ATP10B: variants seen among roughly 807,000 people sequenced by gnomAD.
The protein encoded by ATP10B is phospholipid-transporting ATPase VB.
A neutral mutation model predicts 141.2 loss-of-function variants in ATP10B; 122 were observed. That is an observed-to-expected ratio of 0.86 (90% CI 0.75 to 1.00). The LOEUF is 1.00. Among genes scored for constraint, ATP10B ranks in the 50% least tolerant of loss-of-function variants. ATP10B has a pLI of 0.00. For synonymous variants in ATP10B, 685 were observed against 692.0 expected (o/e 0.99, Z 0.16); for missense variants, 1,876 against 1,825.3 (o/e 1.03, Z -0.51).
intron 7 of ATP10B, among the ~76,000 whole-genome samples, chr5:160,668,135 G>A (rs149888982): frequency 2.7e-5 from 4 of 150,836 alleles, no homozygotes; most frequent in Admixed American, 6.6e-5. Context: ...GGGAGGCTGA[G>A]GTAGGAGAAA....
intron 22 of ATP10B, among the ~76,000 whole-genome samples, chr5:160,594,057 G>C (rs187999341): frequency 0.025 from 3,846 of 152,156 alleles, 64 homozygotes; most frequent in Non-Finnish European, 0.038. Flanking sequence ...GATAGTCCTC[G>C]AGAAGAGCAA....
chr5:160,682,921 C>T (rs1386479162), intron 6 of ATP10B, among the ~76,000 whole-genome samples: 4 of 151,374 alleles, frequency 2.6e-5, no homozygotes, highest in Non-Finnish European at 4.4e-5. Flanking sequence ...CACCTGTAGT[C>T]CCAGCTACTC....
the ATP10B span, among the ~76,000 whole-genome samples, chr5:160,913,037 G>C: frequency 6.6e-6 from 1 of 152,224 alleles, no homozygotes; most frequent in Non-Finnish European, 1.5e-5. Context: ...CAGTCATTCT[G>C]AAGATTGTTG....
At chr5:160,880,463 A>T in the ATP10B span, among the ~76,000 whole-genome samples, 1 of 152,116 alleles carries the variant, frequency 6.6e-6, no homozygotes, top group Non-Finnish European at 1.5e-5. Context: ...TGGAGAGGAA[A>T]CAGATGCAGA....
chr5:160,666,686 T>C (rs1762338213), intron 7 of ATP10B, among the ~76,000 whole-genome samples: 1 of 152,178 alleles, frequency 6.6e-6, no homozygotes, highest in African/African-American at 2.4e-5. Context: ...GCGAGTTCTA[T>C]CCATACTCAG....
intron 1 of ATP10B, among the ~76,000 whole-genome samples, chr5:160,825,686 T>C (rs939025379): frequency 1.3e-5 from 2 of 152,160 alleles, no homozygotes; most frequent in African/African-American, 4.8e-5. Context: ...TTTAAAAAAA[T>C]TTGACTTTCA....
rs1770748355 is a variant in ATP10B at position 160,781,974 on chromosome 5, G to A, written c.-331+3585C>T. On this transcript the variant is annotated intron_variant, in intron 2 of 25. Coordinates refer to ENST00000327245, the MANE Select transcript of ATP10B (RefSeq NM_025153.3). ...TTTTGCCTTAAAACAGTAGAGTAAT[G>A]CCTAAAATTGTATGGTTCTACATTT... Among the ~76,000 whole-genome samples, 2 of 152,056 alleles carry A rather than the reference G, an allele frequency of 1.3e-5. 1 individual carries two copies.
At chr5:160,626,602 T>G (rs1258785620) in intron 13 of ATP10B, among the ~76,000 whole-genome samples, 1 of 152,206 alleles carries the variant, frequency 6.6e-6, no homozygotes, top group Non-Finnish European at 1.5e-5. Flanking sequence ...CCAACATTTC[T>G]CAAACTTTAA....
chr5:160,648,362 G>A (rs182748558), intron 8 of ATP10B, among the ~76,000 whole-genome samples: 24 of 152,244 alleles, frequency 1.6e-4, no homozygotes, highest in African/African-American at 5.5e-4. Context: ...TATTGTTAGG[G>A]TTAGTGTATT....
chr5:160,682,381 T>C (rs1384716682), intron 6 of ATP10B, among the ~76,000 whole-genome samples: 2 of 152,176 alleles, frequency 1.3e-5, no homozygotes, highest in African/African-American at 4.8e-5. Flanking sequence ...AACTCCATGC[T>C]CCTCCCTGCC....
chr5:160,888,525 TC>T, the ATP10B span, among the ~76,000 whole-genome samples: 3 of 152,184 alleles, frequency 2.0e-5, no homozygotes, highest in Admixed American at 1.3e-4. Context: ...AAACAGTAAT[TC>T]ATCTGGGCAG....
At chr5:160,649,289 T>C in intron 7 of ATP10B, 33 bp from the exon 8 acceptor site, 1 of 1,486,492 alleles carries the variant, frequency 6.7e-7, no homozygotes, top group Non-Finnish European at 9.4e-7. Context: ...AGTTTATTAA[T>C]TCAGAGGGAT....
chr5:160,895,911 A>G, the ATP10B span, among the ~76,000 whole-genome samples: 1 of 152,036 alleles, frequency 6.6e-6, no homozygotes, highest in Non-Finnish European at 1.5e-5. Context: ...AAACCACACA[A>G]CAAATGGAAC....
At chr5:160,644,836 G>A (rs1215086716) in intron 8 of ATP10B, among the ~76,000 whole-genome samples, 1 of 152,170 alleles carries the variant, frequency 6.6e-6, no homozygotes, top group Non-Finnish European at 1.5e-5. Flanking sequence ...CAACCAGTAG[G>A]GCCGGGTGCA....
At chr5:160,746,847 G>GC (rs1767840945) in intron 2 of ATP10B, among the ~76,000 whole-genome samples, 1 of 152,148 alleles carries the variant, frequency 6.6e-6, no homozygotes, top group Non-Finnish European at 1.5e-5. Flanking sequence ...GGAAATTGTG[G>GC]CCCAGAGATG....
chr5:160,654,090 TTGTATATACGTATATACATATATAAATAC>T (rs1194749389), intron 7 of ATP10B, among the ~76,000 whole-genome samples: 8 of 147,830 alleles, frequency 5.4e-5, no homozygotes, highest in African/African-American at 2.0e-4. Context: ...TAAATATATG[TTGTATATACGTATATACATATATAAATAC>T]GTGTGTGTGT....
the ATP10B span, among the ~76,000 whole-genome samples, chr5:160,880,667 A>C: frequency 6.6e-6 from 1 of 152,212 alleles, no homozygotes; most frequent in Non-Finnish European, 1.5e-5. Flanking sequence ...GATCTTTGAC[A>C]AATGAGCAAA....
intron 22 of ATP10B, among the ~76,000 whole-genome samples, chr5:160,593,584 T>C (rs1756473616): frequency 6.6e-6 from 1 of 151,956 alleles, no homozygotes; most frequent in Non-Finnish European, 1.5e-5. Flanking sequence ...CTTTGACGAG[T>C]TGAGGGAAGG....
intron 9 of ATP10B, 71 bp downstream of exon 9, chr5:160,644,067 T>G: frequency 7.8e-7 from 1 of 1,274,172 alleles, no homozygotes; most frequent in Non-Finnish European, 1.1e-6. Flanking sequence ...TGGTTCCCAT[T>G]GACTGAAGAT....
Sources: allele counts gnomAD v4.1 joint callset (sites outside exome capture counted in the v4.1 genomes callset), GRCh38; gene constraint gnomAD v4.1.1; transcripts MANE v1.5; gene names NCBI Gene and HGNC (gene_info 2026-07-23, HGNC 2026-07-21).